The following FOXN2 variants were observed in gnomAD, a reference collection of about 807,000 sequenced individuals.
FOXN2 encodes the protein forkhead box protein N2.
Under a neutral mutation model 41.2 loss-of-function variants are expected in FOXN2, and 19 were observed. The ratio of observed to expected loss-of-function variants is 0.46; its 90% CI spans 0.32 to 0.68. The LOEUF is 0.68. FOXN2 is among the 30% of genes least tolerant of loss of function. The probability of loss-of-function intolerance (pLI) is 0.03; values close to 1 mark genes in which losing one functional copy is unlikely to be tolerated. For synonymous variants in FOXN2, 195 were observed against 176.8 expected, an observed-to-expected ratio of 1.10 and a Z score of -0.82; for missense variants, 587 against 509.4, an observed-to-expected ratio of 1.15 and a Z score of -1.47.
chr2:48,378,560 C>G lies in FOXN2; in HGVS notation c.*3117C>G, dbSNP rs939569106. On this transcript the variant is annotated 3_prime_UTR_variant, in exon 7 of 7. Transcript: ENST00000340553. ...ATTTAAGCAACAGATGTGAATACTT[C>G]ACAAAGCTGTAAAGACCATTGTCTT... The G allele has an allele frequency of 1.3e-5, 2 of 152,256 alleles. No individual in the cohort carries two copies. Among genetic ancestry groups the G allele is most frequent in the Non-Finnish European group, 2.9e-5 (2 of 67,916 alleles). The allele number at this position is 152,256 out of a possible 1,614,324, so 9.4% of individuals were successfully genotyped here.
At chr2:48,356,186 A>C (rs1671780895) in intron 3 of FOXN2, among the ~76,000 whole-genome samples, 1 of 152,200 alleles carries the variant, frequency 6.6e-6, no homozygotes, top group Non-Finnish European at 1.5e-5. Context: ...TCACGCCTGT[A>C]ATCCCAACAC....
chr2:48,314,470 G>A (rs1668747468), upstream of FOXN2, among the ~76,000 whole-genome samples: 1 of 152,226 alleles, frequency 6.6e-6, no homozygotes, highest in Admixed American at 6.5e-5. Context: ...GCCGTGCCAG[G>A]CAGCCAGCCG....
At chr2:48,372,787 C>A (rs1358001866) in intron 5 of FOXN2, among the ~76,000 whole-genome samples, 3 of 151,978 alleles carry the variant, frequency 2.0e-5, no homozygotes, top group Non-Finnish European at 4.4e-5. Context: ...CATAATTATT[C>A]ACTTAGCATT....
chr2:48,345,830 G>C (rs1054396543), intron 2 of FOXN2, among the ~76,000 whole-genome samples: 5 of 151,924 alleles, frequency 3.3e-5, no homozygotes, highest in African/African-American at 1.2e-4. Flanking sequence ...CTTAAGATAC[G>C]TATAAAGTCT....
intron 2 of FOXN2, among the ~76,000 whole-genome samples, chr2:48,331,052 CA>C (rs1669989536): frequency 1.3e-5 from 2 of 152,136 alleles, no homozygotes; most frequent in Admixed American, 1.3e-4. Context: ...TTTTTCACTC[CA>C]TGTAGTAAAG....
chr2:48,330,056 A>C (rs1378254187), intron 2 of FOXN2, among the ~76,000 whole-genome samples: 1 of 152,120 alleles, frequency 6.6e-6, no homozygotes, highest in Non-Finnish European at 1.5e-5. Flanking sequence ...TTACCAAGAA[A>C]AAAAAATAAA....
rs1234515129 is a variant in FOXN2, at chr2:48,379,266, T to C, written c.*3823T>C. 2 of 152,648 alleles carry C rather than the reference T, an allele frequency of 1.3e-5. No homozygotes were observed. Among genetic ancestry groups the C allele is most frequent in the Non-Finnish European group, 2.9e-5 (2 of 68,028 alleles). 9.5% of individuals were successfully genotyped at this position (152,648 alleles called of 1,614,324 possible). A position where few individuals can be genotyped will look rare whatever the true frequency, so the allele number is the denominator to read the frequency against. Reference sequence around the variant, plus strand: ...AGATGCAATTCATTATGAGAAAGTATTGCATAATAAATTTTGTTTTATAAC... The same window carrying C: ...AGATGCAATTCATTATGAGAAAGTACTGCATAATAAATTTTGTTTTATAAC... On this transcript the variant is annotated 3_prime_UTR_variant, in exon 7 of 7. Coordinates refer to ENST00000340553, the MANE Select transcript of FOXN2 (RefSeq NM_002158.4).
intron 3 of FOXN2, among the ~76,000 whole-genome samples, chr2:48,347,450 A>G (rs149714897): frequency 1.3e-5 from 2 of 151,440 alleles, no homozygotes; most frequent in Non-Finnish European, 2.9e-5. Context: ...CTGGTCTTGG[A>G]ACTCCTGACC....
intron 2 of FOXN2, among the ~76,000 whole-genome samples, chr2:48,341,023 A>T (rs1423982584): frequency 1.3e-5 from 2 of 152,122 alleles, no homozygotes; most frequent in Admixed American, 6.5e-5. Context: ...AGCTAGTTAT[A>T]CTCCTAAAAA....
intron 2 of FOXN2, among the ~76,000 whole-genome samples, chr2:48,337,940 A>G (rs752191842): frequency 1.6e-4 from 25 of 152,334 alleles, no homozygotes; most frequent in East Asian, 7.7e-4. Context: ...CCAAAAAAAG[A>G]TTAGTAGGAA....
intron 2 of FOXN2, among the ~76,000 whole-genome samples, chr2:48,341,036 A>G (rs1426967767): frequency 6.6e-6 from 1 of 152,194 alleles, no homozygotes; most frequent in African/African-American, 2.4e-5. Context: ...CCTAAAAATT[A>G]GAATACATTT....
chr2:48,375,760 A>T lies in FOXN2; in HGVS notation c.*317A>T, dbSNP rs1673215214. On this transcript the variant is annotated 3_prime_UTR_variant, in exon 7 of 7. Coordinates refer to ENST00000340553, the MANE Select transcript of FOXN2 (RefSeq NM_002158.4). The stretch of plus-strand genomic sequence containing the variant: ...GACAAAAATCCTTTCTTCTGTTAAT[A>T]TGTCAGAATGTAAGATTTGGCAACT... The T allele has an allele frequency of 4.9e-6, 1 of 203,736 alleles. No individual in the cohort carries two copies. Among genetic ancestry groups the T allele is most frequent in the Non-Finnish European group, 9.9e-6 (1 of 100,580 alleles). 12.6% of individuals were successfully genotyped at this position (203,736 alleles called of 1,614,324 possible).
chr2:48,353,177 A>G (rs1428214746), intron 3 of FOXN2, among the ~76,000 whole-genome samples: 1 of 152,114 alleles, frequency 6.6e-6, no homozygotes, highest in African/African-American at 2.4e-5. Flanking sequence ...ACTTGTTAAC[A>G]TGGTTTTCAA....
rs370870946 is a variant in FOXN2, at chr2:48,373,283, C to T, written c.704-9C>T. On this transcript the variant is annotated splice_polypyrimidine_tract_variant and intron_variant, in intron 5 of 6. Coordinates refer to ENST00000340553, the MANE Select transcript of FOXN2 (RefSeq NM_002158.4). ...AGAACATTAATATTATTACTTTTTC[C>T]CTTTTCAGAATCTGATATTGATGCT... 23 of 1,572,360 alleles carry T rather than the reference C, an allele frequency of 1.5e-5. No individual in the cohort carries two copies. The African/African-American group carries it at 3.0e-4, about 21-fold the overall frequency.
chr2:48,358,696 A>G (rs1324903099), intron 3 of FOXN2, among the ~76,000 whole-genome samples: 1 of 152,212 alleles, frequency 6.6e-6, no homozygotes, highest in East Asian at 1.9e-4. Context: ...AAAAAGGAGT[A>G]TGAGAATGGG....
chr2:48,347,100 A>G (rs1326443182), intron 3 of FOXN2, among the ~76,000 whole-genome samples: 2 of 151,944 alleles, frequency 1.3e-5, no homozygotes, highest in Non-Finnish European at 2.9e-5. Context: ...ATTTAAATTA[A>G]TGAAATTGAT....
intron 2 of FOXN2, among the ~76,000 whole-genome samples, chr2:48,328,954 G>T (rs1669859029): frequency 6.6e-6 from 1 of 151,080 alleles, no homozygotes; most frequent in Admixed American, 6.6e-5. Context: ...TTAGTCACCA[G>T]TTTTTTTTTA....
At chr2:48,341,704 G>A (rs570300004) in intron 2 of FOXN2, among the ~76,000 whole-genome samples, 1 of 152,282 alleles carries the variant, frequency 6.6e-6, no homozygotes, top group South Asian at 2.1e-4. Context: ...GAAGAACATG[G>A]GTTGAATGAG....
rs1336075349 is a variant in FOXN2 at position 48,377,065 on chromosome 2, C to T, written c.*1622C>T. On this transcript the variant is annotated 3_prime_UTR_variant, in exon 7 of 7. Transcript: ENST00000340553. Reference sequence around the variant, plus strand: ...TTTTTCAATTGACAAGACTTTAAGTCAGGGATAACAGTATTAATGTTCTCT... The same window carrying T: ...TTTTTCAATTGACAAGACTTTAAGTTAGGGATAACAGTATTAATGTTCTCT... The T allele has an allele frequency of 6.6e-6, 1 of 151,798 alleles. No individual in the cohort carries two copies. Among genetic ancestry groups the T allele is most frequent in the African/African-American group, 2.4e-5 (1 of 41,360 alleles). The allele number at this position is 151,798 out of a possible 1,614,324, so 9.4% of individuals were successfully genotyped here. A position where few individuals can be genotyped will look rare whatever the true frequency, so the allele number is the denominator to read the frequency against.
Sources: gnomAD v4.1 joint callset for allele counts (sites outside exome capture counted in the v4.1 genomes callset) on GRCh38, gnomAD v4.1.1 for gene constraint, MANE v1.5 for transcripts, NCBI Gene and HGNC (gene_info 2026-07-23, HGNC 2026-07-21) for gene names.